NUBPL: variants seen among roughly 807,000 people sequenced by gnomAD.
The protein encoded by NUBPL is NUBP iron-sulfur cluster assembly factor, mitochondrial, also known as iron-sulfur cluster transfer protein NUBPL.
In NUBPL, 31 loss-of-function variants were observed where a neutral mutation model predicts 45.7. The observed-to-expected ratio is 0.68, with a 90% CI of 0.51 to 0.92. The LOEUF (loss-of-function observed/expected upper bound fraction) is 0.92. Among genes scored for constraint, NUBPL ranks in the 40% least tolerant of loss-of-function variants. The probability of loss-of-function intolerance (pLI) is 0.00; values close to 1 mark genes in which losing one functional copy is unlikely to be tolerated. For synonymous variants in NUBPL, 144 were observed against 140.9 expected (o/e 1.02, Z -0.15); for missense variants, 401 against 398.7 (o/e 1.01, Z -0.05).
At chr14:31,730,539 CT>C (rs2038027697) in intron 6 of NUBPL, among the ~76,000 whole-genome samples, 2 of 151,444 alleles carry the variant, frequency 1.3e-5, no homozygotes, top group Admixed American at 6.6e-5. Flanking sequence ...TCTCAGCTCA[CT>C]GCAAGCTCCG....
intron 3 of NUBPL, among the ~76,000 whole-genome samples, chr14:31,569,059 C>G (rs1388195886): frequency 6.6e-6 from 1 of 152,020 alleles, no homozygotes. Context: ...TGCCCAAATA[C>G]CTTTTAAAAA....
At chr14:31,656,553 G>T (rs2036145106) in intron 4 of NUBPL, among the ~76,000 whole-genome samples, 1 of 152,070 alleles carries the variant, frequency 6.6e-6, no homozygotes, top group African/African-American at 2.4e-5. Context: ...CAATATTGTT[G>T]TCTGAAGGAA....
intron 10 of NUBPL, among the ~76,000 whole-genome samples, chr14:31,853,289 C>G (rs553126531): frequency 6.6e-6 from 1 of 152,256 alleles, no homozygotes; most frequent in African/African-American, 2.4e-5. Flanking sequence ...CTCCTGAGCT[C>G]AGGAGATTCA....
Position 31,811,371 on chromosome 14 carries a change from T to C in NUBPL, c.608-15258T>C, listed in dbSNP as rs547650692. Among the ~76,000 whole-genome samples, 217 of 152,300 alleles carry C rather than the reference T, an allele frequency of 1.4e-3. 1 individual carries two copies. Among genetic ancestry groups the C allele is most frequent in the Middle Eastern group, 6.8e-3 (2 of 294 alleles). ...TTCTGGCTTCATTTCTTCAATTTGA[T>C]CTTCAATCACTGATACCCTTTCTTC... On this transcript the variant is annotated intron_variant, in intron 7 of 10. Transcript: ENST00000281081.
intron 3 of NUBPL, among the ~76,000 whole-genome samples, chr14:31,590,535 G>A (rs1226734694): frequency 1.3e-5 from 2 of 152,236 alleles, no homozygotes; most frequent in African/African-American, 4.8e-5. Flanking sequence ...TCTTATAATT[G>A]CTTTTCTTTA....
At chr14:31,711,739 C>T (rs1046616843) in intron 6 of NUBPL, among the ~76,000 whole-genome samples, 2 of 151,982 alleles carry the variant, frequency 1.3e-5, no homozygotes, top group African/African-American at 2.4e-5. Flanking sequence ...CAGACCTTCG[C>T]GGTGAGTGTT....
chr14:31,565,112 T>G, intron 3 of NUBPL, 64 bp downstream of exon 3: 2 of 961,964 alleles, frequency 2.1e-6, no homozygotes, highest in African/African-American at 3.3e-5. Context: ...ATAAAGAGCA[T>G]ATTGGTGTTT....
chr14:31,821,467 C>A (rs1357135138), intron 7 of NUBPL, among the ~76,000 whole-genome samples: 1 of 152,112 alleles, frequency 6.6e-6, no homozygotes, highest in Non-Finnish European at 1.5e-5. Context: ...CAGAGAAATT[C>A]AAATCAAAAC....
intron 7 of NUBPL, among the ~76,000 whole-genome samples, chr14:31,806,788 C>T (rs79916617): frequency 1.3e-5 from 2 of 152,132 alleles, no homozygotes; most frequent in African/African-American, 4.8e-5. Context: ...CACACCACGA[C>T]AGGCCCAGGT....
intron 8 of NUBPL, among the ~76,000 whole-genome samples, chr14:31,827,991 G>A (rs1158839612): frequency 6.6e-6 from 1 of 152,114 alleles, no homozygotes; most frequent in Admixed American, 6.5e-5. Flanking sequence ...GAGGAACTCT[G>A]GGTTGGATTG....
At chr14:31,678,018 G>A (rs2036742062) in intron 6 of NUBPL, among the ~76,000 whole-genome samples, 1 of 152,212 alleles carries the variant, frequency 6.6e-6, no homozygotes, top group Non-Finnish European at 1.5e-5. Flanking sequence ...AAAGCATGAG[G>A]TGCAGTTCTT....
chr14:31,641,514 C>A (rs1000891109), intron 4 of NUBPL, among the ~76,000 whole-genome samples: 1 of 152,050 alleles, frequency 6.6e-6, no homozygotes, highest in African/African-American at 2.4e-5. Flanking sequence ...GGATTCCATT[C>A]TTTTTTATGG....
chr14:31,850,062 T>C, intron 9 of NUBPL, 57 bp from the exon 10 acceptor site: 1 of 1,294,796 alleles, frequency 7.7e-7, no homozygotes, highest in Non-Finnish European at 1.1e-6. Context: ...ATAGTGAGAT[T>C]CAAAATGCCT....
intron 6 of NUBPL, among the ~76,000 whole-genome samples, chr14:31,693,476 G>C (rs1350335339): frequency 6.6e-6 from 1 of 152,110 alleles, no homozygotes; most frequent in Admixed American, 6.5e-5. Context: ...ATTAAGTTAT[G>C]CCTAAGTGTC....
At chr14:31,838,069 AAACGGTTG>A (rs1205660071) in intron 8 of NUBPL, among the ~76,000 whole-genome samples, 2 of 152,162 alleles carry the variant, frequency 1.3e-5, no homozygotes, top group Non-Finnish European at 2.9e-5. Flanking sequence ...ATAAACAAGT[AAACGGTTG>A]AACAAGCCAG....
In NUBPL at chr14:31,809,893, G is replaced by T. The variant is rs572945009; in HGVS notation, c.608-16736G>T. Reference sequence around the variant, plus strand: ...TTATGTACCCAGTAGTCATTCAGGAGCAGGTTGTTAAGTTTCCATGTAGTT... The same window carrying T: ...TTATGTACCCAGTAGTCATTCAGGATCAGGTTGTTAAGTTTCCATGTAGTT... On this transcript the variant is annotated intron_variant, in intron 7 of 10. Coordinates refer to ENST00000281081, the MANE Select transcript of NUBPL (RefSeq NM_025152.3). Among the ~76,000 whole-genome samples, 170 of 152,276 alleles carry T rather than the reference G, an allele frequency of 1.1e-3. No individual in the cohort carries two copies. The Middle Eastern group carries it at 0.014, about 12-fold the overall frequency.
chr14:31,749,688 T>C (rs1459653175), intron 6 of NUBPL, among the ~76,000 whole-genome samples: 1 of 152,176 alleles, frequency 6.6e-6, no homozygotes, highest in Non-Finnish European at 1.5e-5. Flanking sequence ...GACTACCTTT[T>C]TGGCTTGATT....
chr14:31,573,357 G>A (rs1443563871), intron 3 of NUBPL, among the ~76,000 whole-genome samples: 1 of 152,048 alleles, frequency 6.6e-6, no homozygotes, highest in Non-Finnish European at 1.5e-5. Flanking sequence ...CCACTGCTCT[G>A]GTTACTAGTC....
chr14:31,756,848 A>G lies in NUBPL; in HGVS notation c.514-30932A>G, dbSNP rs559482895. ...TATTGGCTGTGGGTTTGTCATAGAT[A>G]GCTCTTATTATTTTGAGATACGTCC... is the stretch of plus-strand genomic sequence containing the variant. On this transcript the variant is annotated intron_variant, in intron 6 of 10. Transcript: ENST00000281081. Among the ~76,000 whole-genome samples the G allele has an allele frequency of 1.5e-4, 22 of 151,204 alleles. No homozygotes were observed. The South Asian group carries it at 1.9e-3, about 13-fold the overall frequency.
Sources: allele counts gnomAD v4.1 joint callset (sites outside exome capture counted in the v4.1 genomes callset), GRCh38; gene constraint gnomAD v4.1.1; transcripts MANE v1.5; gene names NCBI Gene and HGNC (gene_info 2026-07-23, HGNC 2026-07-21).